The following NTNG2 variants were observed in gnomAD, a reference collection of about 807,000 sequenced individuals.
The protein encoded by NTNG2 is netrin G2, also known as netrin-G2.
In NTNG2, 15 loss-of-function variants were observed where a neutral mutation model predicts 47.6. The ratio of observed to expected loss-of-function variants is 0.32; its 90% CI spans 0.21 to 0.49. The LOEUF is 0.49. Among genes scored for constraint, NTNG2 ranks in the 20% least tolerant of loss-of-function variants. NTNG2 has a pLI of 0.99. For synonymous variants in NTNG2, 307 were observed against 324.6 expected (o/e 0.95, Z 0.58); for missense variants, 578 against 764.6 (o/e 0.76, Z 2.88).
intron 5 of NTNG2, among the ~76,000 whole-genome samples, chr9:132,235,812 G>A (rs985880687): frequency 9.2e-5 from 14 of 152,216 alleles, no homozygotes; most frequent in Admixed American, 9.2e-4. Flanking sequence ...GAAGTAGCAG[G>A]TGTGCATGGT....
chr9:132,166,757 G>A lies in NTNG2; in HGVS notation c.-75G>A. 7.0e-7 allele frequency: 1 copy of A among 1,425,798 alleles called. No homozygotes were observed. The highest frequency in any genetic ancestry group is 9.8e-7 in the Non-Finnish European group (1 of 1,018,688). The allele number at this position is 1,425,798 out of a possible 1,614,324, so 88.3% of individuals were successfully genotyped here. A position where few individuals can be genotyped will look rare whatever the true frequency, so the allele number is the denominator to read the frequency against. On this transcript the variant is annotated 5_prime_UTR_variant, in exon 2 of 8. Transcript: ENST00000393229. ...GTAGATGTGGCATTTCCATGCTGAG[G>A]CCGCGAGTCCCGCCTGACCCCGTCG...
chr9:132,204,216 G>A (rs1838995547), intron 3 of NTNG2, among the ~76,000 whole-genome samples: 1 of 152,194 alleles, frequency 6.6e-6, no homozygotes, highest in East Asian at 1.9e-4. Context: ...CTGAGCTCCA[G>A]ACTGGCCAAG....
At chr9:132,235,693 G>A (rs1841571147) in intron 5 of NTNG2, among the ~76,000 whole-genome samples, 1 of 152,184 alleles carries the variant, frequency 6.6e-6, no homozygotes, top group Admixed American at 6.5e-5. Flanking sequence ...TCGAGCAGGT[G>A]GTCCCAGGTG....
intron 2 of NTNG2, among the ~76,000 whole-genome samples, chr9:132,174,581 A>G (rs1408852365): frequency 6.6e-6 from 1 of 152,128 alleles, no homozygotes; most frequent in Non-Finnish European, 1.5e-5. Context: ...ATAAGACGAG[A>G]CCAGGCGTGT....
intron 5 of NTNG2, among the ~76,000 whole-genome samples, chr9:132,237,351 C>A (rs1463017505): frequency 6.6e-6 from 1 of 152,188 alleles, no homozygotes; most frequent in African/African-American, 2.4e-5. Flanking sequence ...GGCTCGGAAG[C>A]CTTTGCTGGG....
intron 3 of NTNG2, among the ~76,000 whole-genome samples, chr9:132,212,356 C>A (rs2130835251): frequency 6.6e-6 from 1 of 152,328 alleles, no homozygotes; most frequent in South Asian, 2.1e-4. Context: ...GTGTTGTGTG[C>A]AAGGAAGCTG....
At chr9:132,233,333 A>ACG (rs1491487607) in intron 5 of NTNG2, 1 of 82,028 alleles carries the variant, frequency 1.2e-5, no homozygotes, top group African/African-American at 3.7e-5. Context: ...ACGCACATGT[A>ACG]CACACACACA....
chr9:132,219,890 T>A (rs560863011), intron 3 of NTNG2, among the ~76,000 whole-genome samples: 1 of 152,372 alleles, frequency 6.6e-6, no homozygotes, highest in African/African-American at 2.4e-5. Context: ...TGGGCAACTC[T>A]AAGTTCACCT....
At chr9:132,206,231 A>G (rs745604473) in intron 3 of NTNG2, among the ~76,000 whole-genome samples, 22 of 152,222 alleles carry the variant, frequency 1.4e-4, no homozygotes, top group South Asian at 4.1e-4. Context: ...GGACTCCCTG[A>G]AATATATGCT....
At chr9:132,239,900 C>T (rs1420396572) in intron 6 of NTNG2, among the ~76,000 whole-genome samples, 6 of 152,266 alleles carry the variant, frequency 3.9e-5, no homozygotes, top group Admixed American at 3.9e-4. Context: ...CTGCTCTTCA[C>T]CCCTGGTGGG....
intron 4 of NTNG2, among the ~76,000 whole-genome samples, chr9:132,229,465 C>T (rs1841034556): frequency 6.6e-6 from 1 of 152,166 alleles, no homozygotes; most frequent in Non-Finnish European, 1.5e-5. Context: ...GCCTTCCCAC[C>T]TCCTCACCAC....
At chr9:132,187,383 C>T (rs1243064445) in intron 2 of NTNG2, among the ~76,000 whole-genome samples, 5 of 152,302 alleles carry the variant, frequency 3.3e-5, no homozygotes, top group Admixed American at 6.5e-5. Context: ...CGCTGATTCA[C>T]GAGCGGGGAG....
In NTNG2 at chr9:132,239,438, C is replaced by G. The variant is rs568399753; in HGVS notation, c.1222+167C>G. Among the ~76,000 whole-genome samples, 5 of 152,354 alleles carry G rather than the reference C, an allele frequency of 3.3e-5. No individual in the cohort carries two copies. In the East Asian group the frequency reaches 9.6e-4, roughly 29 times the overall value. ...TGAGCATCTCTAAGGACAGAAAGCT[C>G]CAGAAACTGCTCTATTAGTAACCTA... On this transcript the variant is annotated intron_variant, in intron 6 of 7. Transcript: ENST00000393229.
At chr9:132,224,582 G>C (rs1056701674) in intron 3 of NTNG2, among the ~76,000 whole-genome samples, 1 of 152,100 alleles carries the variant, frequency 6.6e-6, no homozygotes, top group African/African-American at 2.4e-5. Context: ...TCCCAGCTCA[G>C]AGCCCCTGCC....
intron 3 of NTNG2, among the ~76,000 whole-genome samples, chr9:132,216,371 G>A (rs1037915447): frequency 4.1e-5 from 6 of 144,826 alleles, no homozygotes; most frequent in African/African-American, 1.6e-4. Flanking sequence ...GAATCTGGCT[G>A]CTGACTCAGC....
intron 3 of NTNG2, among the ~76,000 whole-genome samples, chr9:132,203,032 G>A (rs527861176): frequency 6.6e-6 from 1 of 152,332 alleles, no homozygotes; most frequent in African/African-American, 2.4e-5. Context: ...GTTAGACGGT[G>A]GGAGAGGGAA....
intron 3 of NTNG2, among the ~76,000 whole-genome samples, chr9:132,219,556 G>C (rs1035010311): frequency 7.5e-6 from 1 of 132,694 alleles, no homozygotes. Flanking sequence ...CTGGGTGACA[G>C]AGCAAGACTC....
chr9:132,216,750 A>T (rs1042855425), intron 3 of NTNG2, among the ~76,000 whole-genome samples: 2 of 152,088 alleles, frequency 1.3e-5, no homozygotes, highest in Admixed American at 1.3e-4. Flanking sequence ...GGGAAAATTG[A>T]TCCCACAGAA....
At chr9:132,209,568 A>C (rs888745676) in intron 3 of NTNG2, among the ~76,000 whole-genome samples, 3 of 152,186 alleles carry the variant, frequency 2.0e-5, no homozygotes, top group Non-Finnish European at 2.9e-5. Context: ...ACCTGTGTCC[A>C]TGCTGCGGCG....
Sources: allele counts gnomAD v4.1 joint callset (sites outside exome capture counted in the v4.1 genomes callset), GRCh38; gene constraint gnomAD v4.1.1; transcripts MANE v1.5; gene names NCBI Gene and HGNC (gene_info 2026-07-23, HGNC 2026-07-21).